The following PHACTR1 variants were observed in gnomAD, a reference collection of about 807,000 sequenced individuals.
PHACTR1 encodes the protein RPEL repeat containing 1.
A neutral mutation model predicts 69.2 loss-of-function variants in PHACTR1; 16 were observed. That is an observed-to-expected ratio of 0.23 (90% CI 0.16 to 0.35). The LOEUF is 0.35. PHACTR1 is among the 10% of genes least tolerant of loss of function. The pLI, the probability that PHACTR1 is intolerant of heterozygous loss-of-function variation, is 1.00. For missense variants in PHACTR1, 510 were observed against 734.7 expected (o/e 0.69, Z 3.54); for synonymous variants, 312 against 284.5 (o/e 1.10, Z -0.97).
At chr6:12,786,037 C>T (rs1306869414) in intron 4 of PHACTR1, among the ~76,000 whole-genome samples, 1 of 152,172 alleles carries the variant, frequency 6.6e-6, no homozygotes, top group Non-Finnish European at 1.5e-5. Flanking sequence ...AAAACTTCTT[C>T]CCCATGCGTT....
In PHACTR1 at chr6:13,272,734, C is replaced by T. The variant is rs778636382; in HGVS notation, c.1392-126C>T. The T allele has an allele frequency of 2.4e-5, 38 of 1,604,072 alleles. No individual in the cohort carries two copies. The East Asian group carries it at 4.5e-4, about 19-fold the overall frequency. Reference sequence around the variant, plus strand: ...GCGGTGGTGGCGAGAGTCAGTCTTTCAGAGCACAGGATGGAACAAGAACTC... The same window carrying T: ...GCGGTGGTGGCGAGAGTCAGTCTTTTAGAGCACAGGATGGAACAAGAACTC... On this transcript the variant is annotated intron_variant, in intron 10 of 14. Transcript: ENST00000332995.
intron 4 of PHACTR1, among the ~76,000 whole-genome samples, chr6:12,909,400 G>T: frequency 6.6e-6 from 1 of 152,182 alleles, no homozygotes; most frequent in Non-Finnish European, 1.5e-5. Flanking sequence ...TGTCATAACA[G>T]CTATGGCTTC....
chr6:12,758,235 G>T (rs1767588848), intron 4 of PHACTR1, among the ~76,000 whole-genome samples: 1 of 151,994 alleles, frequency 6.6e-6, no homozygotes, highest in Non-Finnish European at 1.5e-5. Flanking sequence ...ACAAGGTCAG[G>T]AATTCGAGAC....
intron 10 of PHACTR1, among the ~76,000 whole-genome samples, chr6:13,231,086 AG>A (rs1770922882): frequency 2.5e-5 from 1 of 40,472 alleles, no homozygotes; most frequent in African/African-American, 1.3e-4. Flanking sequence ...GAAGGAAGGA[AG>A]AAGGAAGGAA....
At chr6:12,796,748 G>A (rs1773048534) in intron 4 of PHACTR1, among the ~76,000 whole-genome samples, 1 of 152,148 alleles carries the variant, frequency 6.6e-6, no homozygotes, top group African/African-American at 2.4e-5. Flanking sequence ...CAAAGCTAGA[G>A]TCCATAGCAA....
In PHACTR1 at chr6:13,179,846, C is replaced by G. The variant is rs1761964359; in HGVS notation, c.497-2673C>G. On this transcript the variant is annotated intron_variant, in intron 6 of 14. Coordinates refer to ENST00000332995, the MANE Select transcript of PHACTR1 (RefSeq NM_030948.6). This position sits in a 1 kb window ranked among gnomAD's most constrained non-coding sequence, Gnocchi z 4.2. ...CTTCTAATTGTGTAAATTGGAAAAT[C>G]CTTTAATAAAACAATTTCACAGGAT... 6.6e-6 allele frequency among the ~76,000 whole-genome samples: 1 copy of G among 152,058 alleles called. No individual in the cohort carries two copies. Among genetic ancestry groups the G allele is most frequent in the South Asian group, 2.1e-4 (1 of 4,824 alleles).
At chr6:13,060,126 G>A (rs1330516340) in intron 5 of PHACTR1, among the ~76,000 whole-genome samples, 1 of 152,148 alleles carries the variant, frequency 6.6e-6, no homozygotes, top group South Asian at 2.1e-4. Flanking sequence ...GCATCCAGGA[G>A]GCTACAGTTA....
intron 4 of PHACTR1, among the ~76,000 whole-genome samples, chr6:12,979,525 C>G (rs903347883): frequency 2.6e-5 from 4 of 152,298 alleles, no homozygotes; most frequent in South Asian, 4.1e-4. Flanking sequence ...AGATCCTACT[C>G]TCATCCACAG....
chr6:13,202,903 G>A (rs1283441644), intron 7 of PHACTR1, among the ~76,000 whole-genome samples: 2 of 152,240 alleles, frequency 1.3e-5, no homozygotes, highest in South Asian at 2.1e-4. Flanking sequence ...CCTGAATGTG[G>A]TGACCTTGCA....
chr6:13,030,675 T>G lies in PHACTR1; in HGVS notation c.251-22690T>G, dbSNP rs115686276. 4.8e-3 allele frequency among the ~76,000 whole-genome samples: 736 copies of G among 152,312 alleles called. 7 individuals are homozygous for G. The highest frequency in any genetic ancestry group is 0.016 in the African/African-American group (670 of 41,568). On this transcript the variant is annotated intron_variant, in intron 4 of 14. Transcript: ENST00000332995. The stretch of plus-strand genomic sequence containing the variant: ...TGTATTATAGCTGAAACAAGATAAA[T>G]CACACATGTGAAACAGCTGTCTGTT...
At chr6:12,928,671 TG>T in intron 4 of PHACTR1, among the ~76,000 whole-genome samples, 1 of 139,482 alleles carries the variant, frequency 7.2e-6, no homozygotes, top group Non-Finnish European at 1.5e-5. Flanking sequence ...AGTTGTCCTA[TG>T]TGGCAGGCAT....
intron 4 of PHACTR1, among the ~76,000 whole-genome samples, chr6:12,947,997 A>G (rs1790865865): frequency 6.6e-6 from 1 of 152,206 alleles, no homozygotes; most frequent in Non-Finnish European, 1.5e-5. Context: ...TTTCCAATAG[A>G]CTTTATCTTT....
intron 4 of PHACTR1, among the ~76,000 whole-genome samples, chr6:12,982,540 G>A (rs1338460233): frequency 6.6e-6 from 1 of 152,170 alleles, no homozygotes; most frequent in African/African-American, 2.4e-5. Flanking sequence ...TTAGCCAGGT[G>A]TGGTGGCAAG....
intron 4 of PHACTR1, among the ~76,000 whole-genome samples, chr6:12,918,209 G>A (rs1042517502): frequency 2.6e-5 from 4 of 152,164 alleles, no homozygotes; most frequent in Non-Finnish European, 4.4e-5. Context: ...ACTTGCCTTA[G>A]GTTGAAGGCT....
At chr6:13,083,539 A>G (rs1191189020) in intron 5 of PHACTR1, among the ~76,000 whole-genome samples, 1 of 150,926 alleles carries the variant, frequency 6.6e-6, no homozygotes, top group Non-Finnish European at 1.5e-5. Context: ...CTTGGGCAGT[A>G]TGGCCATTTT....
intron 10 of PHACTR1, among the ~76,000 whole-genome samples, chr6:13,231,079 GGAAGGAA>G (rs756333846): frequency 0.23 from 3,986 of 17,078 alleles, 662 homozygotes; most frequent in African/African-American, 0.38. Flanking sequence ...AAGGAAGGAA[GGAAGGAA>G]GAAGGAAGGA....
At chr6:12,898,062 G>C (rs1169991174) in intron 4 of PHACTR1, among the ~76,000 whole-genome samples, 2 of 152,112 alleles carry the variant, frequency 1.3e-5, no homozygotes, top group Non-Finnish European at 2.9e-5. Context: ...TTATTCTACT[G>C]AACTTCCGGG....
intron 6 of PHACTR1, 142 bp from the exon 7 acceptor site, chr6:13,182,377 C>A (rs1762287136): frequency 2.1e-6 from 2 of 966,658 alleles, no homozygotes; most frequent in Non-Finnish European, 3.2e-6. Flanking sequence ...AAATAAATGT[C>A]TTAAAAGCAA....
intron 5 of PHACTR1, among the ~76,000 whole-genome samples, chr6:13,124,200 GGAC>G (rs2127951650): frequency 6.6e-6 from 1 of 152,202 alleles, no homozygotes; most frequent in African/African-American, 2.4e-5. Flanking sequence ...GCTACCATTG[GGAC>G]CTCTTGTTGA....
Sources: gnomAD v4.1 joint callset for allele counts (sites outside exome capture counted in the v4.1 genomes callset) on GRCh38, gnomAD v4.1.1 for gene constraint, Gnocchi (gnomAD v3.1) non-coding constraint, MANE v1.5 for transcripts, NCBI Gene and HGNC (gene_info 2026-07-23, HGNC 2026-07-21) for gene names.